The following PRKCH variants were observed in gnomAD, a reference collection of about 807,000 sequenced individuals.
PRKCH encodes the protein protein kinase C eta.
In PRKCH, 28 loss-of-function variants were observed where a neutral mutation model predicts 82.5. That is an observed-to-expected ratio of 0.34 (90% CI 0.25 to 0.47). PRKCH has a LOEUF of 0.47. Among genes scored for constraint, PRKCH ranks in the 20% least tolerant of loss-of-function variants. The pLI is 1.00. For synonymous variants in PRKCH, 322 were observed against 327.4 expected (o/e 0.98, Z 0.18); for missense variants, 705 against 881.8 (o/e 0.80, Z 2.54).
intron 1 of PRKCH, among the ~76,000 whole-genome samples, chr14:61,344,627 C>G (rs1158109222): frequency 6.6e-6 from 1 of 152,084 alleles, no homozygotes; most frequent in African/African-American, 2.4e-5. Flanking sequence ...CCAGCAGCTG[C>G]AGGTACGCCT....
At chr14:61,541,691 C>T (rs1285305327) in intron 12 of PRKCH, among the ~76,000 whole-genome samples, 2 of 152,214 alleles carry the variant, frequency 1.3e-5, no homozygotes, top group African/African-American at 4.8e-5. Context: ...TATAACTTGT[C>T]CTCTTCCTAT....
At chr14:61,191,832 G>A (rs1220093164) in intron 1 of PRKCH, among the ~76,000 whole-genome samples, 1 of 151,998 alleles carries the variant, frequency 6.6e-6, no homozygotes, top group Admixed American at 6.5e-5. Flanking sequence ...GAGTAATTTG[G>A]TTTTGATCAA....
At chr14:61,358,152 A>G (rs116054941) in intron 1 of PRKCH, among the ~76,000 whole-genome samples, 2,769 of 152,312 alleles carry the variant, frequency 0.018, 75 homozygotes, top group African/African-American at 0.058. Context: ...AGCTTGAACA[A>G]GTCACTTAAT....
chr14:61,505,649 A>G (rs1887117513), intron 10 of PRKCH, among the ~76,000 whole-genome samples: 1 of 151,970 alleles, frequency 6.6e-6, no homozygotes, highest in Non-Finnish European at 1.5e-5. Flanking sequence ...TGCTGGGATT[A>G]GGAGCATGAG....
At chr14:61,189,433 C>T (rs1484458938) in intron 1 of PRKCH, among the ~76,000 whole-genome samples, 1 of 152,228 alleles carries the variant, frequency 6.6e-6, no homozygotes, top group Non-Finnish European at 1.5e-5. Context: ...GTCTCCAGTG[C>T]AGGGCCTTTC....
intron 1 of PRKCH, among the ~76,000 whole-genome samples, chr14:61,219,573 A>T (rs2044639931): frequency 6.6e-6 from 1 of 152,216 alleles, no homozygotes; most frequent in South Asian, 2.1e-4. Context: ...GTACCATCCT[A>T]TAAGCCAGAG....
intron 9 of PRKCH, among the ~76,000 whole-genome samples, chr14:61,478,260 G>A (rs1885818947): frequency 6.6e-6 from 1 of 152,190 alleles, no homozygotes; most frequent in Admixed American, 6.5e-5. Context: ...TTTTGCAGAA[G>A]TGAGTTTTGT....
rs2044595264 is a variant in PRKCH, at chr14:61,213,229, C to T, written c.-19+25561C>T. On this transcript the variant is annotated intron_variant, in intron 1 of 3. Coordinates refer to the PRKCH transcript ENST00000555185. ...ACTCCCGCCTTACCCTCTCTTCTGTCTCCCACTTCTTTTTAAAAAGGTCAG... is the reference window on the plus strand; with the variant it reads ...ACTCCCGCCTTACCCTCTCTTCTGTTTCCCACTTCTTTTTAAAAAGGTCAG... Among the ~76,000 whole-genome samples, 3 of 152,182 alleles carry T rather than the reference C, an allele frequency of 2.0e-5. No homozygotes were observed. In the South Asian group the frequency reaches 6.2e-4, roughly 32 times the overall value.
chr14:61,373,641 C>T (rs765180359), intron 1 of PRKCH, among the ~76,000 whole-genome samples: 3 of 152,056 alleles, frequency 2.0e-5, no homozygotes, highest in Non-Finnish European at 2.9e-5. Flanking sequence ...CAGTCTGTCA[C>T]CCAGGCTGGA....
intron 1 of PRKCH, chr14:61,353,615 C>T (rs1015393490): frequency 1.3e-5 from 2 of 152,054 alleles, no homozygotes; most frequent in Non-Finnish European, 2.9e-5. Context: ...CTTTATGTAG[C>T]ACATTATACT....
At chr14:61,269,722 T>C (rs2045135875) in intron 1 of PRKCH, among the ~76,000 whole-genome samples, 1 of 152,146 alleles carries the variant, frequency 6.6e-6, no homozygotes, top group South Asian at 2.1e-4. Flanking sequence ...GACCCAAAGG[T>C]AATTAAATGC....
At chr14:61,447,282 C>T (rs1277677106) in intron 4 of PRKCH, among the ~76,000 whole-genome samples, 1 of 152,116 alleles carries the variant, frequency 6.6e-6, no homozygotes, top group East Asian at 1.9e-4. Context: ...TACCTAGCAA[C>T]AGGAATCAAA....
At chr14:61,397,280 T>C (rs2046799952) in intron 2 of PRKCH, among the ~76,000 whole-genome samples, 1 of 152,164 alleles carries the variant, frequency 6.6e-6, no homozygotes, top group Non-Finnish European at 1.5e-5. Context: ...TCAGAGTCAT[T>C]TACCAGGGTA....
chr14:61,284,338 T>G (rs1268303340), intron 1 of PRKCH, among the ~76,000 whole-genome samples: 1 of 152,188 alleles, frequency 6.6e-6, no homozygotes, highest in Admixed American at 6.5e-5. Flanking sequence ...GAGATGTGCC[T>G]TAGTAGTTAA....
chr14:61,216,751 T>C (rs1380497126), intron 1 of PRKCH, among the ~76,000 whole-genome samples: 1 of 152,220 alleles, frequency 6.6e-6, no homozygotes, highest in Non-Finnish European at 1.5e-5. Flanking sequence ...GGCTCGAACA[T>C]GAGAGAAAGA....
At chr14:61,400,203 T>C (rs1345656745) in intron 2 of PRKCH, among the ~76,000 whole-genome samples, 1 of 152,226 alleles carries the variant, frequency 6.6e-6, no homozygotes, top group East Asian at 1.9e-4. Context: ...AGATGAAGCA[T>C]GTGTTACTGC....
chr14:61,507,792 GT>G (rs1402104286), intron 10 of PRKCH, among the ~76,000 whole-genome samples: 1 of 152,066 alleles, frequency 6.6e-6, no homozygotes, highest in African/African-American at 2.4e-5. Flanking sequence ...ATGGGAAGAT[GT>G]TGATCAAAGG....
intron 1 of PRKCH, among the ~76,000 whole-genome samples, chr14:61,356,835 C>G (rs1409179004): frequency 6.6e-6 from 1 of 152,130 alleles, no homozygotes; most frequent in African/African-American, 2.4e-5. Flanking sequence ...GCACCTACCA[C>G]CACGCCTGGC....
chr14:61,533,361 A>G (rs1392816902), intron 12 of PRKCH, among the ~76,000 whole-genome samples: 1 of 147,606 alleles, frequency 6.8e-6, no homozygotes, highest in African/African-American at 2.5e-5. Context: ...TTTACTCTCC[A>G]TGCCTAAAAA....
Sources: allele counts gnomAD v4.1 joint callset (sites outside exome capture counted in the v4.1 genomes callset), GRCh38; gene constraint gnomAD v4.1.1; transcripts MANE v1.5; gene names NCBI Gene and HGNC (gene_info 2026-07-23, HGNC 2026-07-21).